Variants in CADPS2 observed in about 807,000 individuals in gnomAD.
CADPS2 encodes the protein calcium dependent secretion activator 2, also known as calcium-dependent secretion activator 2.
A neutral mutation model predicts 172.5 loss-of-function variants in CADPS2; 93 were observed. The observed-to-expected ratio is 0.54, with a 90% CI of 0.46 to 0.64. The LOEUF is 0.64. CADPS2 is among the 30% of genes least tolerant of loss of function. The pLI is 0.00. For synonymous variants in CADPS2, 546 were observed against 555.2 expected, an observed-to-expected ratio of 0.98 and a Z score of 0.23; for missense variants, 1,420 against 1,565.9, an observed-to-expected ratio of 0.91 and a Z score of 1.57.
chr7:122,549,929 C>T lies in CADPS2; in HGVS notation c.1475+4621G>A, dbSNP rs146521200. Among the ~76,000 whole-genome samples the T allele has an allele frequency of 2.3e-3, 345 of 152,238 alleles. 1 individual carries two copies. Among genetic ancestry groups the T allele is most frequent in the Non-Finnish European group, 4.0e-3 (274 of 68,012 alleles). On this transcript the variant is annotated intron_variant, in intron 8 of 29. Coordinates refer to ENST00000449022, the MANE Select transcript of CADPS2 (RefSeq NM_017954.11). ...TGGACTCTTTGAGCAAATACTACCTCGACGCAGCTAAGATTTTCCTCCCCT... is the reference window on the plus strand; with the variant it reads ...TGGACTCTTTGAGCAAATACTACCTTGACGCAGCTAAGATTTTCCTCCCCT...
chr7:122,794,650 C>T (rs1795981901), intron 1 of CADPS2, among the ~76,000 whole-genome samples: 1 of 151,626 alleles, frequency 6.6e-6, no homozygotes, highest in African/African-American at 2.4e-5. Flanking sequence ...AATCCCAAAA[C>T]AACACAATAT....
At chr7:122,328,157 A>ACACACG (rs750331904) in intron 28 of CADPS2, among the ~76,000 whole-genome samples, 19 of 110,066 alleles carry the variant, frequency 1.7e-4, no homozygotes, top group South Asian at 2.7e-4. Flanking sequence ...ACACACACAC[A>ACACACG]CACGCACGCA....
At chr7:122,781,661 T>C (rs1353411383) in intron 1 of CADPS2, among the ~76,000 whole-genome samples, 1 of 152,202 alleles carries the variant, frequency 6.6e-6, no homozygotes, top group Non-Finnish European at 1.5e-5. Context: ...CACCATCATG[T>C]TCAGTTCTAT....
chr7:122,408,865 A>T (rs2046980528), intron 19 of CADPS2, among the ~76,000 whole-genome samples: 1 of 152,238 alleles, frequency 6.6e-6, no homozygotes, highest in African/African-American at 2.4e-5. Context: ...TATGGCCTTA[A>T]AATAATAGAT....
chr7:122,784,061 AT>A (rs1304568719), intron 1 of CADPS2, among the ~76,000 whole-genome samples: 2 of 152,154 alleles, frequency 1.3e-5, no homozygotes, highest in African/African-American at 4.8e-5. Context: ...CGTCTATTTA[AT>A]TCTTCTTAAA....
At chr7:122,786,888 C>T (rs369428775) in intron 1 of CADPS2, among the ~76,000 whole-genome samples, 1 of 152,148 alleles carries the variant, frequency 6.6e-6, no homozygotes, top group East Asian at 1.9e-4. Flanking sequence ...ATCCTCCCAG[C>T]CCTAAGCATC....
intron 9 of CADPS2, among the ~76,000 whole-genome samples, chr7:122,510,907 C>A (rs1302252478): frequency 6.6e-6 from 1 of 152,168 alleles, no homozygotes; most frequent in Non-Finnish European, 1.5e-5. Flanking sequence ...GTAAGATTCA[C>A]TTGTGTTTAA....
intron 1 of CADPS2, among the ~76,000 whole-genome samples, chr7:122,773,382 C>T (rs1462357948): frequency 2.0e-5 from 3 of 151,998 alleles, no homozygotes; most frequent in African/African-American, 7.2e-5. Context: ...TGTTCATTTA[C>T]TTAATGCTAT....
In CADPS2 at chr7:122,425,520, T is replaced by C. The variant is rs544550729; in HGVS notation, c.2477-9356A>G. On this transcript the variant is annotated intron_variant, in intron 17 of 29. Coordinates refer to ENST00000449022, the MANE Select transcript of CADPS2 (RefSeq NM_017954.11). ...AGGAAGCTGAGGGTGGAGGATCGTT[T>C]GAGCCCACCTGGGAGGCAGAGGCTA... Among the ~76,000 whole-genome samples the C allele has an allele frequency of 1.2e-3, 178 of 151,778 alleles. 3 individuals carry two copies. The highest frequency in any genetic ancestry group is 0.011 in the Admixed American group (161 of 15,230).
At position 122,886,203 on chromosome 7, in the gene CADPS2, C is replaced by T; in HGVS notation, c.135G>A (p.Pro45=). ...CCGCGCCGCCGCCGCCCGCGCGCCC[C>T]GGCGCGTCCCGCCGCCCTTCCCGAG... is the stretch of plus-strand genomic sequence containing the variant. ...APTREGRRDA[P]GRAGGGGAAR... Residue 45 remains proline, a synonymous_variant, in exon 1 of 30, where the codon CCG becomes CCA. Transcript: ENST00000449022. 4 of 1,470,080 alleles carry T rather than the reference C, an allele frequency of 2.7e-6. No homozygotes were observed. The highest frequency in any genetic ancestry group is 3.6e-6 in the Non-Finnish European group (4 of 1,120,548). The allele number at this position is 1,470,080 out of a possible 1,614,324, so 91.1% of individuals were successfully genotyped here. A position where few individuals can be genotyped will look rare whatever the true frequency, so the allele number is the denominator to read the frequency against.
chr7:122,489,196 A>C (rs542060463), intron 11 of CADPS2, among the ~76,000 whole-genome samples: 225 of 152,302 alleles, frequency 1.5e-3, no homozygotes, highest in Non-Finnish European at 2.6e-3. Flanking sequence ...GTTCACATTT[A>C]ATTATTTGAA....
chr7:122,469,303 A>C (rs2055583109), intron 14 of CADPS2, among the ~76,000 whole-genome samples: 1 of 152,190 alleles, frequency 6.6e-6, no homozygotes, highest in South Asian at 2.1e-4. Flanking sequence ...TGGATGAATA[A>C]AATATTCTGA....
Position 122,360,776 on chromosome 7 carries a change from A to C in CADPS2, c.3504+12T>G. The C allele has an allele frequency of 6.5e-7, 1 of 1,547,818 alleles. No individual in the cohort carries two copies. The highest frequency in any genetic ancestry group is 8.7e-7 in the Non-Finnish European group (1 of 1,147,264). On this transcript the variant is annotated intron_variant, in intron 27 of 29. Transcript: ENST00000449022. ...TCCATACAGTTTTAAAAAGCAGATA[A>C]AAAATACTTACTGGAACATCAACAT...
intron 1 of CADPS2, among the ~76,000 whole-genome samples, chr7:122,788,680 A>G (rs1196113172): frequency 6.6e-6 from 1 of 152,182 alleles, no homozygotes; most frequent in Non-Finnish European, 1.5e-5. Context: ...ATAGCTTTGA[A>G]CCTGATGGCT....
intron 27 of CADPS2, among the ~76,000 whole-genome samples, chr7:122,355,651 T>A (rs1274061719): frequency 6.6e-6 from 1 of 151,968 alleles, no homozygotes; most frequent in African/African-American, 2.4e-5. Flanking sequence ...TCCAGAAAAT[T>A]TTTTCTAGCT....
intron 1 of CADPS2, among the ~76,000 whole-genome samples, chr7:122,834,811 C>T (rs1807812177): frequency 6.6e-6 from 1 of 152,194 alleles, no homozygotes; most frequent in Admixed American, 6.5e-5. Context: ...GTGGAGCCCA[C>T]CGCAGCTCAA....
chr7:122,362,962 A>G (rs1296637879), intron 25 of CADPS2, among the ~76,000 whole-genome samples: 2 of 152,236 alleles, frequency 1.3e-5, no homozygotes, highest in South Asian at 4.1e-4. Context: ...ACTGTGAACT[A>G]TAAGTGCATT....
intron 1 of CADPS2, among the ~76,000 whole-genome samples, chr7:122,856,146 T>G (rs1262181064): frequency 7.9e-5 from 12 of 152,196 alleles, no homozygotes; most frequent in Admixed American, 7.9e-4. Context: ...CAGAAGCTGC[T>G]TTATGATGGT....
At chr7:122,845,204 G>A (rs547389626) in intron 1 of CADPS2, among the ~76,000 whole-genome samples, 1 of 152,300 alleles carries the variant, frequency 6.6e-6, no homozygotes, top group African/African-American at 2.4e-5. Context: ...AGTAAGTGGT[G>A]GCTCAGCAAA....
Sources: gnomAD v4.1 joint callset for allele counts (sites outside exome capture counted in the v4.1 genomes callset) on GRCh38, gnomAD v4.1.1 for gene constraint, MANE v1.5 for transcripts, NCBI Gene and HGNC (gene_info 2026-07-23, HGNC 2026-07-21) for gene names.